The following METTL15 variants were observed in gnomAD, a reference collection of about 807,000 sequenced individuals.
The protein encoded by METTL15 is 12S rRNA N(4)-cytidine methyltransferase METTL15.
A neutral mutation model predicts 38.3 loss-of-function variants in METTL15; 34 were observed. The ratio of observed to expected loss-of-function variants is 0.89; its 90% CI spans 0.68 to 1.18. The LOEUF (loss-of-function observed/expected upper bound fraction) is 1.18. Among genes scored for constraint, METTL15 ranks in the 50% most tolerant of loss-of-function variants. METTL15 has a pLI of 0.00. For missense variants in METTL15, 438 were observed against 498.4 expected, an observed-to-expected ratio of 0.88 and a Z score of 1.15; for synonymous variants, 162 against 170.9, an observed-to-expected ratio of 0.95 and a Z score of 0.41.
chr11:28,343,743 A>G (rs1435327684), intron 3 of METTL15, among the ~76,000 whole-genome samples: 2 of 152,238 alleles, frequency 1.3e-5, no homozygotes, highest in African/African-American at 4.8e-5. Flanking sequence ...AAATCAGGCA[A>G]CAACCATTTA....
intron 5 of METTL15, among the ~76,000 whole-genome samples, chr11:28,389,346 G>A (rs1379107107): frequency 6.8e-6 from 1 of 148,052 alleles, no homozygotes. Flanking sequence ...TCGTCATTTA[G>A]CATTAGGTAA....
chr11:28,377,987 C>T (rs1564912233), intron 5 of METTL15, among the ~76,000 whole-genome samples: 2 of 152,096 alleles, frequency 1.3e-5, no homozygotes, highest in Non-Finnish European at 2.9e-5. Context: ...GGGTCAGGGA[C>T]CCACTTGAGG....
At chr11:28,378,762 T>TTTTG (rs1491319490) in intron 5 of METTL15, among the ~76,000 whole-genome samples, 5 of 12,714 alleles carry the variant, frequency 3.9e-4, no homozygotes, top group South Asian at 1.0e-3. Flanking sequence ...TCCTCTTCAG[T>TTTTG]TTTTTTTTTT....
At chr11:28,336,219 T>C (rs1849899641), downstream of METTL15, among the ~76,000 whole-genome samples, 2 of 152,180 alleles carry the variant, frequency 1.3e-5, no homozygotes, top group South Asian at 4.1e-4. Flanking sequence ...AATACAGTCA[T>C]TGCTCTTGTG....
intron 6 of METTL15, among the ~76,000 whole-genome samples, chr11:28,474,038 C>G (rs888847372): frequency 6.6e-6 from 1 of 151,902 alleles, no homozygotes; most frequent in Non-Finnish European, 1.5e-5. Flanking sequence ...ATCTATTCTC[C>G]CAGTAGCAGT....
At chr11:28,383,388 C>G (rs1271426137) in intron 5 of METTL15, among the ~76,000 whole-genome samples, 1 of 152,004 alleles carries the variant, frequency 6.6e-6, no homozygotes, top group Non-Finnish European at 1.5e-5. Context: ...GAGTTTGATT[C>G]TACATCTTTG....
At chr11:28,380,905 G>T (rs575751808) in intron 5 of METTL15, among the ~76,000 whole-genome samples, 1 of 151,822 alleles carries the variant, frequency 6.6e-6, no homozygotes, top group East Asian at 1.9e-4. Context: ...TAAGGTTTCA[G>T]TTGAGAAGTC....
Position 28,416,997 on chromosome 11 carries a change from C to G in METTL15, c.*359-7302C>G, listed in dbSNP as rs920069544. Among the ~76,000 whole-genome samples the G allele has an allele frequency of 3.6e-4, 55 of 152,204 alleles. 1 individual carries two copies. The highest frequency in any genetic ancestry group is 3.6e-3 in the Admixed American group (55 of 15,288). On this transcript the variant is annotated intron_variant and NMD_transcript_variant, in intron 5 of 7. Transcript: ENST00000532947. ...AATAGAAACAACTTGGATACTACTG[C>G]TTTACCTCCCCACCCATGCCTTCTG...
At chr11:28,508,865 A>G (rs891557570) in intron 6 of METTL15, among the ~76,000 whole-genome samples, 1 of 152,258 alleles carries the variant, frequency 6.6e-6, no homozygotes, top group Non-Finnish European at 1.5e-5. Context: ...ATTTAGGGAT[A>G]AGACCAAAGT....
intron 3 of METTL15, among the ~76,000 whole-genome samples, chr11:28,126,422 TCTGA>T (rs1359940735): frequency 6.6e-6 from 1 of 152,154 alleles, no homozygotes; most frequent in Non-Finnish European, 1.5e-5. Context: ...GGGATTTTTG[TCTGA>T]CTTTTACCAC....
chr11:28,124,733 T>TA (rs2133615187), intron 3 of METTL15, among the ~76,000 whole-genome samples: 1 of 152,238 alleles, frequency 6.6e-6, no homozygotes, highest in South Asian at 2.1e-4. Context: ...AGCACCGAGG[T>TA]ACCATTAGTC....
chr11:28,161,363 A>G (rs1590840059), intron 3 of METTL15, among the ~76,000 whole-genome samples: 1 of 152,044 alleles, frequency 6.6e-6, no homozygotes, highest in East Asian at 1.9e-4. Context: ...CAAGTGATCC[A>G]CCTGCCTTGG....
intron 6 of METTL15, 66 bp from the exon 7 acceptor site, chr11:28,330,330 A>T: frequency 1.5e-6 from 2 of 1,352,812 alleles, no homozygotes; most frequent in South Asian, 1.5e-5. Context: ...ACAATTCATT[A>T]GATTTACAGT....
At chr11:28,501,354 G>A (rs568804900) in intron 6 of METTL15, among the ~76,000 whole-genome samples, 110 of 152,260 alleles carry the variant, frequency 7.2e-4, no homozygotes, top group African/African-American at 2.6e-3. Context: ...TACCCAATGC[G>A]AAACATGGCA....
intron 3 of METTL15, among the ~76,000 whole-genome samples, chr11:28,180,203 G>A (rs10767700): frequency 0.088 from 13,367 of 151,884 alleles, 1,050 homozygotes; most frequent in East Asian, 0.36. Flanking sequence ...GAATGAATGA[G>A]CAAATGAACC....
At chr11:28,452,232 G>A (rs1394085043) in intron 6 of METTL15, among the ~76,000 whole-genome samples, 3 of 152,196 alleles carry the variant, frequency 2.0e-5, no homozygotes. Flanking sequence ...TTCAGCACCT[G>A]TCTTCAGCCT....
At chr11:28,255,718 T>G (rs1429506909) in intron 4 of METTL15, among the ~76,000 whole-genome samples, 1 of 152,232 alleles carries the variant, frequency 6.6e-6, no homozygotes, top group Admixed American at 6.5e-5. Context: ...ATGGCTTTTC[T>G]TTGAGACGGA....
intron 4 of METTL15, among the ~76,000 whole-genome samples, chr11:28,262,903 T>C (rs1855265422): frequency 6.6e-6 from 1 of 152,064 alleles, no homozygotes; most frequent in South Asian, 2.1e-4. Flanking sequence ...CAAAACTACA[T>C]CCACAAAGAG....
intron 4 of METTL15, among the ~76,000 whole-genome samples, chr11:28,269,149 G>A (rs1208718558): frequency 2.0e-5 from 3 of 152,140 alleles, no homozygotes; most frequent in Non-Finnish European, 4.4e-5. Context: ...AGTTATTGGA[G>A]TGTAACAAAG....
Sources: allele counts gnomAD v4.1 joint callset (sites outside exome capture counted in the v4.1 genomes callset), GRCh38; gene constraint gnomAD v4.1.1; transcripts MANE v1.5; gene names NCBI Gene and HGNC (gene_info 2026-07-23, HGNC 2026-07-21).